Variants in COX4I1 observed in about 807,000 individuals in gnomAD.
COX4I1 encodes cytochrome c oxidase subunit 4I1, also known as cytochrome c oxidase subunit 4 isoform 1, mitochondrial.
Under a neutral mutation model 21.7 loss-of-function variants are expected in COX4I1, and 18 were observed. The ratio of observed to expected loss-of-function variants is 0.83; its 90% CI spans 0.57 to 1.23. COX4I1 has a LOEUF of 1.23. COX4I1 is among the 50% of genes most tolerant of loss of function. COX4I1 has a pLI of 0.00. For synonymous variants in COX4I1, 100 were observed against 81.5 expected (o/e 1.23, Z -1.23); for missense variants, 238 against 220.7 (o/e 1.08, Z -0.50).
chr16:85,801,792 A>G (rs1260413941), intron 2 of COX4I1, among the ~76,000 whole-genome samples: 3 of 152,352 alleles, frequency 2.0e-5, no homozygotes, highest in Admixed American at 2.0e-4. Context: ...TGTGTCTGGC[A>G]TACAGCACAT....
At chr16:85,805,271 C>G in intron 3 of COX4I1, 167 bp downstream of exon 3, 2 of 644,034 alleles carry the variant, frequency 3.1e-6, no homozygotes, top group Non-Finnish European at 2.6e-6. Context: ...TATGTGCTCA[C>G]CAGTCACTTA....
At chr16:85,800,524 C>T (rs1905630701) in intron 1 of COX4I1, among the ~76,000 whole-genome samples, 1 of 152,194 alleles carries the variant, frequency 6.6e-6, no homozygotes, top group Non-Finnish European at 1.5e-5. Context: ...TGAGCTGTCA[C>T]CTCCCCCCAC....
chr16:85,806,303 C>T (rs1333142293), intron 4 of COX4I1: 10 of 609,260 alleles, frequency 1.6e-5, no homozygotes, highest in South Asian at 6.0e-5. Context: ...TGGGCATTGC[C>T]GGGTTGCTCG....
intron 4 of COX4I1, 110 bp from the exon 5 acceptor site, chr16:85,806,628 C>T (rs1185676119): frequency 2.6e-6 from 4 of 1,542,498 alleles, no homozygotes; most frequent in East Asian, 4.5e-5. Context: ...TGGCAGGTGG[C>T]TCTGCTGACC....
At chr16:85,805,897 G>T (rs754208296) in intron 4 of COX4I1, 33 bp downstream of exon 4, 6 of 1,613,070 alleles carry the variant, frequency 3.7e-6, no homozygotes, top group African/African-American at 1.3e-5. Context: ...ATGGGCGCCT[G>T]GACTGGGGCT....
At position 85,806,880 on chromosome 16, in the gene COX4I1, G is replaced by C; in HGVS notation, c.*6G>C. On this transcript the variant is annotated 3_prime_UTR_variant, in exon 5 of 5. Transcript: ENST00000253452. ...AGAACGAGTGGAAGAAGTGAGAGAT[G>C]CTGGCCTGCGCCTGCACCTGCGCCT... 1 of 1,610,500 alleles carries C rather than the reference G, an allele frequency of 6.2e-7. No homozygotes were observed. Among genetic ancestry groups the C allele is most frequent in the Non-Finnish European group, 8.5e-7 (1 of 1,177,886 alleles).
intron 2 of COX4I1, chr16:85,804,724 G>A: frequency 2.1e-6 from 1 of 469,488 alleles, no homozygotes; most frequent in Non-Finnish European, 3.8e-6. Context: ...ATTAGCAGTT[G>A]CCCCTGGTGG....
At chr16:85,800,079 C>A (rs530680366) in intron 1 of COX4I1, among the ~76,000 whole-genome samples, 1 of 150,974 alleles carries the variant, frequency 6.6e-6, no homozygotes, top group East Asian at 1.9e-4. Context: ...CTGCAGCCTC[C>A]GCCCTTGCTC....
In COX4I1 at chr16:85,806,953, T is replaced by TTA. The variant is rs1450370480; in HGVS notation, c.*81_*82dup. ...TCCATGCCTATTTACTGGAAACCTG[T>TTA]TATGCCAAACAGTTGTACCACTGCT... On this transcript the variant is annotated 3_prime_UTR_variant, in exon 5 of 5. Coordinates refer to ENST00000253452, the MANE Select transcript of COX4I1 (RefSeq NM_001861.6). The TTA allele has an allele frequency of 6.7e-7, 1 of 1,496,728 alleles. No homozygotes were observed. Among genetic ancestry groups the TTA allele is most frequent in the Non-Finnish European group, 9.1e-7 (1 of 1,099,894 alleles). 92.7% of individuals were successfully genotyped at this position (1,496,728 alleles called of 1,614,324 possible). A position where few individuals can be genotyped will look rare whatever the true frequency, so the allele number is the denominator to read the frequency against.
intron 1 of COX4I1, among the ~76,000 whole-genome samples, chr16:85,801,002 G>C (rs1402318041): frequency 6.6e-6 from 1 of 152,160 alleles, no homozygotes; most frequent in African/African-American, 2.4e-5. Flanking sequence ...GATTTATAAT[G>C]AAGCTCCTTA....
chr16:85,806,997 C>T lies in COX4I1; in HGVS notation c.*123C>T, dbSNP rs1016015957. On this transcript the variant is annotated 3_prime_UTR_variant, in exon 5 of 5. Coordinates refer to ENST00000253452, the MANE Select transcript of COX4I1 (RefSeq NM_001861.6). ...CACTGCTAATAAATGACCAGTTTACCTGAAACCCTTTGTGATCAGTTCTTT... is the reference window on the plus strand; with the variant it reads ...CACTGCTAATAAATGACCAGTTTACTTGAAACCCTTTGTGATCAGTTCTTT... 2.8e-5 allele frequency: 29 copies of T among 1,034,356 alleles called. No individual in the cohort carries two copies. Among genetic ancestry groups the T allele is most frequent in the Non-Finnish European group, 3.9e-5 (28 of 714,260 alleles). The allele number at this position is 1,034,356 out of a possible 1,614,324, so 64.1% of individuals were successfully genotyped here.
At chr16:85,802,264 G>A (rs1167775282) in intron 2 of COX4I1, among the ~76,000 whole-genome samples, 1 of 152,064 alleles carries the variant, frequency 6.6e-6, no homozygotes, top group Non-Finnish European at 1.5e-5. Flanking sequence ...CTTTTAGAAC[G>A]GCCTCTCCTG....
At chr16:85,805,258 G>A in intron 3 of COX4I1, 154 bp downstream of exon 3, 1 of 703,046 alleles carries the variant, frequency 1.4e-6, no homozygotes, top group East Asian at 2.8e-5. Flanking sequence ...CAGGGCCCCA[G>A]TTTATGTGCT....
At position 85,801,306 on chromosome 16, in the gene COX4I1, T is replaced by C. The variant is rs199880666; in HGVS notation, c.73+28T>C. 97 of 1,584,412 alleles carry C rather than the reference T, an allele frequency of 6.1e-5. No individual in the cohort carries two copies. The Admixed American group carries it at 1.2e-3, about 20-fold the overall frequency. On this transcript the variant is annotated intron_variant, in intron 2 of 4. Coordinates refer to ENST00000253452, the MANE Select transcript of COX4I1 (RefSeq NM_001861.6). ...AAGTGTGACTTTTCTTACTTTTAAA[T>C]AGGCTGAACTAATTTCATTTTGCTC... is the stretch of plus-strand genomic sequence containing the variant.
chr16:85,802,834 A>G (rs1905877538), intron 2 of COX4I1, among the ~76,000 whole-genome samples: 1 of 152,232 alleles, frequency 6.6e-6, no homozygotes, highest in South Asian at 2.1e-4. Flanking sequence ...CCCTGAAACC[A>G]TGAATTGGCC....
chr16:85,804,875 T>G (rs1450868276), intron 2 of COX4I1, 62 bp from the exon 3 acceptor site: 2 of 1,481,122 alleles, frequency 1.4e-6, no homozygotes, highest in Non-Finnish European at 1.8e-6. Context: ...TTCAGAAGTA[T>G]CACCTTGGGG....
chr16:85,803,865 T>C (rs1490573339), intron 2 of COX4I1: 4 of 152,298 alleles, frequency 2.6e-5, no homozygotes, highest in Non-Finnish European at 4.4e-5. Flanking sequence ...CCTGTGGACG[T>C]TGCCCCTTGT....
chr16:85,804,823 T>C (rs1226466193), intron 2 of COX4I1, 114 bp from the exon 3 acceptor site: 1 of 875,048 alleles, frequency 1.1e-6, no homozygotes, highest in East Asian at 2.6e-5. Context: ...CCCCCTGAGA[T>C]GATCCAGGGT....
At position 85,801,217 on chromosome 16, in the gene COX4I1, C is replaced by A. The variant is rs764402410; in HGVS notation, c.12C>A (p.Thr4=). The A allele has an allele frequency of 1.9e-6, 3 of 1,607,836 alleles. No homozygotes were observed. Among genetic ancestry groups the A allele is most frequent in the Non-Finnish European group, 2.6e-6 (3 of 1,174,878 alleles). The stretch of plus-strand genomic sequence containing the variant: ...TTTTATCTTTCAGAATGTTGGCTAC[C>A]AGGGTATTTAGCCTAGTTGGCAAGC... MLA[T]RVFSLVGKRA... The change falls in exon 2 of 5, where the codon ACC becomes ACA. Residue 4 remains threonine, a synonymous_variant. Transcript: ENST00000253452.
Sources: gnomAD v4.1 joint callset for allele counts (sites outside exome capture counted in the v4.1 genomes callset) on GRCh38, gnomAD v4.1.1 for gene constraint, MANE v1.5 for transcripts, NCBI Gene and HGNC (gene_info 2026-07-23, HGNC 2026-07-21) for gene names.